The following CTNNBL1 variants were observed in gnomAD, a reference collection of about 807,000 sequenced individuals.
CTNNBL1 encodes the protein catenin beta like 1.
Under a neutral mutation model 72.7 loss-of-function variants are expected in CTNNBL1, and 31 were observed. The observed-to-expected ratio is 0.43, with a 90% CI of 0.32 to 0.58. The LOEUF (loss-of-function observed/expected upper bound fraction) is 0.58, where lower values mean the gene tolerates loss of function less well. CTNNBL1 is among the 20% of genes least tolerant of loss of function. The pLI, the probability that CTNNBL1 is intolerant of heterozygous loss-of-function variation, is 0.08. For missense variants in CTNNBL1, 534 were observed against 725.1 expected (o/e 0.74, Z 3.03); for synonymous variants, 240 against 267.3 (o/e 0.90, Z 1.00).
chr20:37,821,456 A>G (rs190681253), intron 11 of CTNNBL1, among the ~76,000 whole-genome samples: 45 of 152,334 alleles, frequency 3.0e-4, no homozygotes, highest in Non-Finnish European at 5.3e-4. Context: ...AGAAAATTAT[A>G]TATTGAATCC....
intron 3 of CTNNBL1, among the ~76,000 whole-genome samples, chr20:37,737,824 T>C (rs1268848212): frequency 1.3e-5 from 2 of 152,234 alleles, no homozygotes; most frequent in Non-Finnish European, 2.9e-5. Context: ...CATCAACATG[T>C]GTGCAGTGAT....
At chr20:37,791,773 C>T (rs1445224891) in intron 10 of CTNNBL1, among the ~76,000 whole-genome samples, 2 of 152,112 alleles carry the variant, frequency 1.3e-5, no homozygotes, top group African/African-American at 2.4e-5. Context: ...GTTGTGCACC[C>T]CTTATGAGAA....
intron 15 of CTNNBL1, among the ~76,000 whole-genome samples, chr20:37,865,168 C>T (rs1177676927): frequency 1.3e-5 from 2 of 152,148 alleles, no homozygotes; most frequent in Non-Finnish European, 2.9e-5. Context: ...TCACAGGGTG[C>T]TAGGCAGGCT....
intron 15 of CTNNBL1, among the ~76,000 whole-genome samples, chr20:37,871,239 G>A (rs1457992438): frequency 2.6e-5 from 4 of 152,068 alleles, no homozygotes; most frequent in Non-Finnish European, 4.4e-5. Flanking sequence ...CTGCTGCTCG[G>A]GTCCACACTC....
At chr20:37,860,402 T>C (rs886354973) in intron 15 of CTNNBL1, 58 bp downstream of exon 15, 5 of 1,342,346 alleles carry the variant, frequency 3.7e-6, no homozygotes, top group Non-Finnish European at 5.4e-6. Context: ...GCTTACTTTC[T>C]GAGCCTCTGT....
At chr20:37,748,203 TCTGA>T (rs1157630056) in intron 4 of CTNNBL1, among the ~76,000 whole-genome samples, 2 of 152,236 alleles carry the variant, frequency 1.3e-5, no homozygotes, top group East Asian at 1.9e-4. Context: ...TGAGAGCGTG[TCTGA>T]CTAAGTTCTT....
At chr20:37,786,670 C>A (rs1250811378) in intron 10 of CTNNBL1, among the ~76,000 whole-genome samples, 1 of 151,876 alleles carries the variant, frequency 6.6e-6, no homozygotes, top group Admixed American at 6.6e-5. Flanking sequence ...GCCTTTAATT[C>A]TTTTTTTCTA....
chr20:37,795,073 G>T (rs1042358072), intron 10 of CTNNBL1, among the ~76,000 whole-genome samples: 2 of 150,548 alleles, frequency 1.3e-5, no homozygotes, highest in Non-Finnish European at 3.0e-5. Context: ...TTTGAGGTTC[G>T]TTGAGCTACT....
At chr20:37,807,389 C>T (rs544608756) in intron 11 of CTNNBL1, among the ~76,000 whole-genome samples, 1 of 152,302 alleles carries the variant, frequency 6.6e-6, no homozygotes, top group South Asian at 2.1e-4. Flanking sequence ...ATGCCCACAC[C>T]TCTACTGTGG....
At chr20:37,859,616 T>G (rs2072472737) in intron 13 of CTNNBL1, among the ~76,000 whole-genome samples, 1 of 151,968 alleles carries the variant, frequency 6.6e-6, no homozygotes, top group South Asian at 2.1e-4. Context: ...TTTTTTTTTT[T>G]TTTAGCTTTT....
chr20:37,851,946 C>A (rs1293671504), intron 13 of CTNNBL1, among the ~76,000 whole-genome samples: 2 of 152,242 alleles, frequency 1.3e-5, no homozygotes, highest in African/African-American at 4.8e-5. Flanking sequence ...CATTTGGTAT[C>A]TGTCTCAATT....
intron 1 of CTNNBL1, among the ~76,000 whole-genome samples, chr20:37,694,746 G>T (rs765161558): frequency 1.3e-5 from 2 of 152,234 alleles, no homozygotes; most frequent in Non-Finnish European, 2.9e-5. Context: ...TTCTAGCATG[G>T]AATGAGTTTC....
At chr20:37,869,569 GGA>G (rs947034607) in intron 15 of CTNNBL1, among the ~76,000 whole-genome samples, 2 of 152,230 alleles carry the variant, frequency 1.3e-5, no homozygotes, top group African/African-American at 4.8e-5. Context: ...CTCTGTCTAG[GGA>G]GAGAGGGGCT....
intron 11 of CTNNBL1, 130 bp from the exon 12 acceptor site, chr20:37,839,972 C>G: frequency 1.6e-6 from 1 of 621,216 alleles, no homozygotes; most frequent in South Asian, 2.0e-5. Context: ...AGGTTCTTGT[C>G]TTATTAATCA....
chr20:37,799,978 C>A (rs1480525095), intron 10 of CTNNBL1, among the ~76,000 whole-genome samples: 1 of 152,200 alleles, frequency 6.6e-6, no homozygotes, highest in African/African-American at 2.4e-5. Context: ...TTTGTACCTA[C>A]TCACCTTTCC....
intron 15 of CTNNBL1, among the ~76,000 whole-genome samples, chr20:37,870,431 C>G (rs1010333470): frequency 2.6e-5 from 4 of 152,050 alleles, no homozygotes; most frequent in African/African-American, 9.7e-5. Flanking sequence ...CCAGTCCTTG[C>G]GGGGATTCTG....
intron 1 of CTNNBL1, among the ~76,000 whole-genome samples, chr20:37,726,658 A>G (rs2073087548): frequency 6.6e-6 from 1 of 152,168 alleles, no homozygotes; most frequent in African/African-American, 2.4e-5. Context: ...CTAGATGAAG[A>G]ATTCTTGGTT....
At chr20:37,851,108 G>A (rs139906482) in intron 13 of CTNNBL1, among the ~76,000 whole-genome samples, 129 of 152,290 alleles carry the variant, frequency 8.5e-4, no homozygotes, top group African/African-American at 3.0e-3. Flanking sequence ...ACAACCCTGC[G>A]GAAATGGCAC....
chr20:37,853,341 C>G (rs1236611075), intron 13 of CTNNBL1, among the ~76,000 whole-genome samples: 3 of 152,204 alleles, frequency 2.0e-5, no homozygotes, highest in Non-Finnish European at 2.9e-5. Context: ...TTCACTTCCT[C>G]CAGGACCTTT....
Sources: gnomAD v4.1 joint callset for allele counts (sites outside exome capture counted in the v4.1 genomes callset) on GRCh38, gnomAD v4.1.1 for gene constraint, MANE v1.5 for transcripts, NCBI Gene and HGNC (gene_info 2026-07-23, HGNC 2026-07-21) for gene names.